CNNM2: variants seen among roughly 807,000 people sequenced by gnomAD.
CNNM2 encodes the protein cyclin and CBS domain divalent metal cation transport mediator 2, also known as metal transporter CNNM2.
A neutral mutation model predicts 66.9 loss-of-function variants in CNNM2; 12 were observed. The observed-to-expected ratio is 0.18, with a 90% CI of 0.11 to 0.29. The LOEUF (loss-of-function observed/expected upper bound fraction) is 0.29. Ranked by LOEUF, CNNM2 falls within the 10% of genes least tolerant of loss-of-function variation. CNNM2 has a pLI of 1.00. For synonymous variants in CNNM2, 557 were observed against 501.8 expected, an observed-to-expected ratio of 1.11 and a Z score of -1.47; for missense variants, 705 against 1,167.7, an observed-to-expected ratio of 0.60 and a Z score of 5.77.
intron 1 of CNNM2, among the ~76,000 whole-genome samples, chr10:102,989,715 A>G (rs1235121089): frequency 2.6e-5 from 4 of 151,954 alleles, no homozygotes; most frequent in African/African-American, 9.7e-5. Flanking sequence ...AGGCAGGAGA[A>G]TTGTTTGACC....
intron 1 of CNNM2, among the ~76,000 whole-genome samples, chr10:102,994,325 T>A (rs534483257): frequency 1.3e-5 from 2 of 152,352 alleles, no homozygotes; most frequent in East Asian, 3.9e-4. Context: ...AGGAGAGGTT[T>A]ACCATAAAGC....
chr10:102,978,298 G>A (rs2063669452), intron 1 of CNNM2, among the ~76,000 whole-genome samples: 1 of 142,610 alleles, frequency 7.0e-6, no homozygotes, highest in Non-Finnish European at 1.5e-5. Context: ...TCTTCTCCCC[G>A]CCCTCTGCAA....
chr10:103,053,672 A>G (rs1179564726), intron 2 of CNNM2, among the ~76,000 whole-genome samples: 2 of 152,232 alleles, frequency 1.3e-5, no homozygotes, highest in East Asian at 1.9e-4. Context: ...GTAGACCCAC[A>G]TAGCCTAAAA....
chr10:102,951,220 G>A (rs996326522), intron 1 of CNNM2, among the ~76,000 whole-genome samples: 8 of 149,886 alleles, frequency 5.3e-5, no homozygotes, highest in African/African-American at 1.5e-4. Context: ...TTTTTGAGGC[G>A]GAGTCTCACT....
chr10:102,940,460 C>T (rs1016001075), intron 1 of CNNM2, among the ~76,000 whole-genome samples: 8 of 151,896 alleles, frequency 5.3e-5, no homozygotes, highest in African/African-American at 1.9e-4. Context: ...ACTCTGTCAC[C>T]CAGGCTGGAG....
At chr10:103,071,970 T>C in intron 6 of CNNM2, 131 bp downstream of exon 6, 2 of 815,422 alleles carry the variant, frequency 2.5e-6, no homozygotes, top group Non-Finnish European at 4.2e-6. Context: ...GCTAAAGCTC[T>C]AAGGTTCCGT....
chr10:102,982,507 A>G (rs2063733681), intron 1 of CNNM2, among the ~76,000 whole-genome samples: 1 of 152,250 alleles, frequency 6.6e-6, no homozygotes, highest in Admixed American at 6.5e-5. Context: ...GAGGAAAAAC[A>G]TAGACCATTA....
chr10:103,050,712 G>T (rs184757356), intron 2 of CNNM2, among the ~76,000 whole-genome samples: 167 of 152,212 alleles, frequency 1.1e-3, no homozygotes, highest in Non-Finnish European at 1.7e-3. Context: ...CAGTAAGAAT[G>T]TGTTTTTCCT....
intron 4 of CNNM2, among the ~76,000 whole-genome samples, chr10:103,065,352 G>A (rs1440932816): frequency 6.6e-6 from 1 of 152,210 alleles, no homozygotes; most frequent in African/African-American, 2.4e-5. Context: ...GAATGCCCGA[G>A]GGCCGGAGCC....
At chr10:102,943,957 T>A (rs975004096) in intron 1 of CNNM2, among the ~76,000 whole-genome samples, 4 of 152,162 alleles carry the variant, frequency 2.6e-5, no homozygotes, top group African/African-American at 9.7e-5. Flanking sequence ...CTTCTGAACT[T>A]CTATACCCCT....
chr10:103,022,727 A>G (rs964746175), intron 1 of CNNM2, among the ~76,000 whole-genome samples: 6 of 152,134 alleles, frequency 3.9e-5, no homozygotes, highest in Non-Finnish European at 7.3e-5. Context: ...TGGGTAATTT[A>G]TAAAGAAAAA....
chr10:102,956,213 A>G lies in CNNM2; in HGVS notation c.1621+36112A>G, dbSNP rs1341756757. On this transcript the variant is annotated intron_variant, in intron 1 of 7. Coordinates refer to ENST00000369878, the MANE Select transcript of CNNM2 (RefSeq NM_017649.5). ...TGAGGCAGGAGAATGGCGTGAACCC[A>G]GGAGGCGGAGCCTGCAGTGAGCTGA... is the stretch of plus-strand genomic sequence containing the variant. 2.0e-5 allele frequency among the ~76,000 whole-genome samples: 3 copies of G among 149,384 alleles called. No homozygotes were observed. In the South Asian group the frequency reaches 6.4e-4, roughly 32 times the overall value.
intron 3 of CNNM2, among the ~76,000 whole-genome samples, chr10:103,055,092 C>T (rs763955367): frequency 3.3e-5 from 5 of 152,180 alleles, no homozygotes; most frequent in Non-Finnish European, 7.3e-5. Context: ...GTTGTTTAAA[C>T]CACCAACCCA....
chr10:103,011,841 C>T (rs982218029), intron 1 of CNNM2, among the ~76,000 whole-genome samples: 11 of 152,120 alleles, frequency 7.2e-5, no homozygotes, highest in Middle Eastern at 3.4e-3. Context: ...TACAGGCACG[C>T]GCCACCATGC....
intron 1 of CNNM2, among the ~76,000 whole-genome samples, chr10:102,921,314 CT>C (rs1845627210): frequency 6.6e-6 from 1 of 152,198 alleles, no homozygotes; most frequent in Admixed American, 6.5e-5. Flanking sequence ...ATTTTGATCA[CT>C]GGTAGTAGTC....
Position 103,039,911 on chromosome 10 carries a change from G to A in CNNM2, c.1622-9796G>A, listed in dbSNP as rs7087040. Among the ~76,000 whole-genome samples, 46,878 of 152,028 alleles carry A rather than the reference G, an allele frequency of 0.31. 7,362 individuals carry two copies. The highest frequency in any genetic ancestry group is 0.36 in the Middle Eastern group (107 of 294). On this transcript the variant is annotated intron_variant, in intron 1 of 7. Coordinates refer to ENST00000369878, the MANE Select transcript of CNNM2 (RefSeq NM_017649.5). The stretch of plus-strand genomic sequence containing the variant: ...CAGATGGCAGTGGCTCATGCCTGTA[G>A]TCCTAGCACCTCTGGGAGGCCAAGA...
intron 1 of CNNM2, among the ~76,000 whole-genome samples, chr10:102,952,838 C>T (rs1846891638): frequency 1.3e-5 from 2 of 152,094 alleles, no homozygotes. Flanking sequence ...AGTAGTTCTG[C>T]TTCAGTACTT....
chr10:103,026,503 A>G (rs2134293949), intron 1 of CNNM2, among the ~76,000 whole-genome samples: 1 of 143,770 alleles, frequency 7.0e-6, no homozygotes, highest in Admixed American at 7.4e-5. Flanking sequence ...CAAGAGGCTG[A>G]GGTGAGAGAA....
Position 103,049,775 on chromosome 10 carries a change from C to T in CNNM2, c.1690C>T (p.Leu564=), listed in dbSNP as rs925167429. ...AGAAGGGGATCCATTTTATGAAGTT[C>T]TGGGAATCGTCACCTTAGAAGATGT... ...EGEGDPFYEV[L]GIVTLEDVIE... The change falls in exon 2 of 8, where the codon CTG becomes TTG. Residue 564 remains leucine, a synonymous_variant. Transcript: ENST00000369878. The T allele has an allele frequency of 6.2e-7, 1 of 1,613,864 alleles. No individual in the cohort carries two copies. The highest frequency in any genetic ancestry group is 8.5e-7 in the Non-Finnish European group (1 of 1,179,772).
Sources: gnomAD v4.1 joint callset for allele counts (sites outside exome capture counted in the v4.1 genomes callset) on GRCh38, gnomAD v4.1.1 for gene constraint, MANE v1.5 for transcripts, NCBI Gene and HGNC (gene_info 2026-07-23, HGNC 2026-07-21) for gene names.